Variants in HECTD4 observed in about 807,000 individuals in gnomAD.
The protein encoded by HECTD4 is HECT domain E3 ubiquitin protein ligase 4.
A neutral mutation model predicts 471.5 loss-of-function variants in HECTD4; 114 were observed. The ratio of observed to expected loss-of-function variants is 0.24; its 90% confidence interval spans 0.21 to 0.28. The LOEUF (loss-of-function observed/expected upper bound fraction) is 0.28, where lower values mean the gene tolerates loss of function less well. Among genes scored for constraint, HECTD4 ranks in the 10% least tolerant of loss-of-function variants. The pLI is 1.00. For missense variants in HECTD4, 3,866 were observed against 5,651.5 expected, an observed-to-expected ratio of 0.68 and a Z score of 10.13; for synonymous variants, 2,012 against 2,256.0, an observed-to-expected ratio of 0.89 and a Z score of 3.07.
intron 6 of HECTD4, among the ~76,000 whole-genome samples, chr12:112,306,859 C>T (rs1253140639): frequency 6.6e-6 from 1 of 152,162 alleles, no homozygotes; most frequent in East Asian, 1.9e-4. Context: ...TCACCAAGTC[C>T]ATCAGGAGGA....
At chr12:112,340,878 G>A (rs1035854582) in intron 1 of HECTD4, among the ~76,000 whole-genome samples, 1 of 152,176 alleles carries the variant, frequency 6.6e-6, no homozygotes, top group Non-Finnish European at 1.5e-5. Flanking sequence ...TAGACTGCAT[G>A]CTCAAGGGTG....
At chr12:112,337,451 T>C (rs1307415700) in intron 1 of HECTD4, among the ~76,000 whole-genome samples, 1 of 152,204 alleles carries the variant, frequency 6.6e-6, no homozygotes, top group Admixed American at 6.5e-5. Context: ...AAAAAAACTC[T>C]TACCAATCTA....
At chr12:112,198,597 G>A (rs545795804) in intron 55 of HECTD4, among the ~76,000 whole-genome samples, 1 of 152,304 alleles carries the variant, frequency 6.6e-6, no homozygotes, top group East Asian at 1.9e-4. Flanking sequence ...AACAGTCAAT[G>A]GCACTTGCTG....
At chr12:112,360,870 G>C (rs1446585350) in intron 1 of HECTD4, among the ~76,000 whole-genome samples, 2 of 151,772 alleles carry the variant, frequency 1.3e-5, no homozygotes, top group South Asian at 2.1e-4. Context: ...TATAATCCCA[G>C]TTACTTGGGA....
chr12:112,230,917 CT>C, intron 39 of HECTD4, 95 bp from the exon 40 acceptor site: 1 of 1,180,576 alleles, frequency 8.5e-7, no homozygotes, highest in Non-Finnish European at 1.2e-6. Flanking sequence ...AAAACCTTTT[CT>C]TTTTATACAA....
In HECTD4 at chr12:112,210,005, G is replaced by A; in HGVS notation, c.7867+10C>T. 6.2e-7 allele frequency: 1 copy of A among 1,602,082 alleles called. No homozygotes were observed. The highest frequency in any genetic ancestry group is 1.7e-4 in the Middle Eastern group (1 of 5,892). ...GCCATGGAGGCAGTAAGTTCCAGGA[G>A]GTGACTTACGTTGCTGAGCGGTGGC... On this transcript the variant is annotated intron_variant, in intron 50 of 75. Transcript: ENST00000682272.
Position 112,240,030 on chromosome 12 carries a change from G to A in HECTD4, c.4959-3C>T, listed in dbSNP as rs571833888. On this transcript the variant is annotated splice_region_variant and splice_polypyrimidine_tract_variant and intron_variant, in intron 32 of 75. Transcript: ENST00000682272. ...CACCACATGTGAGTTCTTCAATTCT[G>A]TGAAAGAGAAACCAAAGCTCAGGCT... is the stretch of plus-strand genomic sequence containing the variant. The A allele has an allele frequency of 1.4e-4, 227 of 1,613,372 alleles. 3 individuals carry two copies. In the South Asian group the frequency reaches 2.4e-3, roughly 17 times the overall value.
chr12:112,214,202 T>C (rs11066195), intron 48 of HECTD4, among the ~76,000 whole-genome samples: 1 of 151,966 alleles, frequency 6.6e-6, no homozygotes, highest in Non-Finnish European at 1.5e-5. Flanking sequence ...CTGGACACTG[T>C]GGTAGGACTT....
intron 41 of HECTD4, 122 bp downstream of exon 41, chr12:112,229,576 T>C (rs987826643): frequency 3.1e-6 from 3 of 981,986 alleles, no homozygotes; most frequent in Non-Finnish European, 4.6e-6. Context: ...TTATTTAGCT[T>C]GAAGAAACAG....
At chr12:112,334,217 AAAT>A (rs2035896581) in intron 1 of HECTD4, among the ~76,000 whole-genome samples, 2 of 149,388 alleles carry the variant, frequency 1.3e-5, no homozygotes, top group Non-Finnish European at 3.0e-5. Context: ...TTAAATAAAT[AAAT>A]AAATAAATAA....
intron 7 of HECTD4, among the ~76,000 whole-genome samples, chr12:112,298,787 C>T (rs1000766763): frequency 2.0e-5 from 3 of 150,946 alleles, no homozygotes; most frequent in Admixed American, 6.6e-5. Context: ...GAGGCTGAGG[C>T]GGGAGAATCA....
Position 112,236,974 on chromosome 12 carries a change from A to G in HECTD4, c.5415T>C (p.Asp1805=). The change falls in exon 35 of 76, where the codon GAT becomes GAC. Residue 1805 remains aspartate, a synonymous_variant. Transcript: ENST00000682272. ...NQAAGNDALQ[D]VLSLLNDLSR... Reference sequence around the variant, plus strand: ...AGAGATCATTGAGAAGACTAAGGACATCCTGGAGCGCGTCATTCCCAGCAG... The same window carrying G: ...AGAGATCATTGAGAAGACTAAGGACGTCCTGGAGCGCGTCATTCCCAGCAG... The G allele has an allele frequency of 6.2e-7, 1 of 1,612,908 alleles. No homozygotes were observed. The highest frequency in any genetic ancestry group is 8.5e-7 in the Non-Finnish European group (1 of 1,179,554).
At chr12:112,225,934 C>G (rs1252783057) in intron 44 of HECTD4, among the ~76,000 whole-genome samples, 6 of 152,024 alleles carry the variant, frequency 3.9e-5, no homozygotes, top group Admixed American at 3.9e-4. Flanking sequence ...AGCTTAGATA[C>G]TTAATAATAT....
Position 112,172,785 on chromosome 12 carries a change from G to A in HECTD4, c.11671C>T (p.Gln3891Ter). 1 of 1,613,974 alleles carries A rather than the reference G, an allele frequency of 6.2e-7. No homozygotes were observed. The highest frequency in any genetic ancestry group is 8.5e-7 in the Non-Finnish European group (1 of 1,179,856). Residue 3891 changes from glutamine (Q) to a stop codon, truncating the protein, a stop_gained, in exon 67 of 76, where the codon CAG (glutamine) becomes TAG (stop). Coordinates refer to ENST00000682272, the MANE Select transcript of HECTD4 (RefSeq NM_001388303.1). LOFTEE classifies it high-confidence loss of function. ...TGGCGGCATAGCTGGTTGATGTACT[G>A]CACAAGTGCCACGTCCATCTCCAGG... is the stretch of plus-strand genomic sequence containing the variant. ...WTLEMDVALV[Q>*]YINQLCRHLA...
At chr12:112,164,500 G>A (rs1306212198) in intron 72 of HECTD4, among the ~76,000 whole-genome samples, 1 of 152,162 alleles carries the variant, frequency 6.6e-6, no homozygotes, top group South Asian at 2.1e-4. Flanking sequence ...CTCTTCCCAC[G>A]TCTGTTTGGA....
At position 112,193,668 on chromosome 12, in the gene HECTD4, G is replaced by T. The variant is rs2032153094; in HGVS notation, c.8756C>A (p.Thr2919Asn). 2 of 1,611,198 alleles carry T rather than the reference G, an allele frequency of 1.2e-6. No homozygotes were observed. The highest frequency in any genetic ancestry group is 8.5e-7 in the Non-Finnish European group (1 of 1,178,782). The change falls in exon 57 of 76, where the codon ACC (threonine) becomes AAC (asparagine). Residue 2919 changes from threonine (T) to asparagine (N), a missense_variant. Thr to Asn is a moderately conservative substitution (Grantham distance 65). Around this residue, in one of 16 missense-constraint regions of HECTD4, gnomAD observed 266 missense variants for 441.6 expected, o/e 0.60. Transcript: ENST00000682272. The surrounding 1 kb of genome is among the most constrained non-coding windows in gnomAD (Gnocchi z 5.2). ...QLLAPPLPDG[T>N]ISSSSILLAQ... Reference sequence around the variant, plus strand: ...CAGGAGGATCGAGCTGGAGCTGATGGTGCCGTCTGGGGACGGAAAGGAAAC... The same window carrying T: ...CAGGAGGATCGAGCTGGAGCTGATGTTGCCGTCTGGGGACGGAAAGGAAAC...
At chr12:112,372,635 G>T (rs2036703811) in intron 1 of HECTD4, among the ~76,000 whole-genome samples, 1 of 151,998 alleles carries the variant, frequency 6.6e-6, no homozygotes, top group Admixed American at 6.6e-5. Flanking sequence ...TTGCTATGTT[G>T]CCCAGGCTGG....
intron 11 of HECTD4, among the ~76,000 whole-genome samples, chr12:112,273,448 G>A (rs1469885970): frequency 6.6e-6 from 1 of 152,038 alleles, no homozygotes; most frequent in Non-Finnish European, 1.5e-5. Context: ...CACCTCAAAA[G>A]CTCTATTTAT....
chr12:112,303,091 G>A (rs1272107006), intron 7 of HECTD4, among the ~76,000 whole-genome samples: 1 of 151,434 alleles, frequency 6.6e-6, no homozygotes, highest in African/African-American at 2.4e-5. Context: ...AGGGAGGCAA[G>A]TCTTTTTCCT....
Sources: allele counts gnomAD v4.1 joint callset (sites outside exome capture counted in the v4.1 genomes callset), GRCh38; gene constraint gnomAD v4.1.1; regional missense constraint gnomAD v4.1.1; non-coding constraint Gnocchi (gnomAD v3.1); transcripts MANE v1.5; gene names NCBI Gene and HGNC (gene_info 2026-07-23, HGNC 2026-07-21).